Variants in CNTNAP3B observed in about 807,000 individuals in gnomAD.
CNTNAP3B encodes the protein contactin-associated protein-like 3B.
Under a neutral mutation model 108.9 loss-of-function variants are expected in CNTNAP3B, and 25 were observed. The observed-to-expected ratio is 0.23, with a 90% CI of 0.17 to 0.32. The LOEUF is 0.32. Among genes scored for constraint, CNTNAP3B ranks in the 10% least tolerant of loss-of-function variants. The pLI is 1.00. For synonymous variants in CNTNAP3B, 103 were observed against 473.4 expected (o/e 0.22, Z 10.16); for missense variants, 252 against 1,210.4 (o/e 0.21, Z 11.75).
At position 41,928,492 on chromosome 9, in the gene CNTNAP3B, T is replaced by C. The variant is rs1313659081; in HGVS notation, c.2365+825A>G. Among the ~76,000 whole-genome samples the C allele has an allele frequency of 4.7e-3, 704 of 151,294 alleles. 1 individual carries two copies. The highest frequency in any genetic ancestry group is 0.017 in the African/African-American group (680 of 40,626). On this transcript the variant is annotated intron_variant, in intron 15 of 23. Coordinates refer to ENST00000377561, the MANE Select transcript of CNTNAP3B (RefSeq NM_001201380.3). Reference sequence around the variant, plus strand: ...GATGTTGTGTTCTCTTTGAACTACTTAGCTGCCTACACGATTGGCTACAGA... The same window carrying C: ...GATGTTGTGTTCTCTTTGAACTACTCAGCTGCCTACACGATTGGCTACAGA...
intron 15 of CNTNAP3B, among the ~76,000 whole-genome samples, chr9:41,925,263 C>A (rs1245093886): frequency 6.6e-6 from 1 of 150,402 alleles, no homozygotes; most frequent in Non-Finnish European, 1.5e-5. Flanking sequence ...CTCTGTCATT[C>A]CTTCCACATT....
chr9:42,112,554 G>A (rs1828214920), intron 1 of CNTNAP3B, among the ~76,000 whole-genome samples: 1 of 138,714 alleles, frequency 7.2e-6, no homozygotes, highest in Non-Finnish European at 1.5e-5. Context: ...GAGTCTACCT[G>A]TGGGAACAGA....
chr9:41,968,950 C>G (rs1407211204), intron 10 of CNTNAP3B, among the ~76,000 whole-genome samples: 1 of 152,242 alleles, frequency 6.6e-6, no homozygotes, highest in African/African-American at 2.4e-5. Flanking sequence ...GCGCCCGCCA[C>G]CATGCCTGGC....
chr9:41,953,479 T>A lies in CNTNAP3B; in HGVS notation c.1877-93A>T, dbSNP rs1274115708. On this transcript the variant is annotated intron_variant, in intron 12 of 23. Transcript: ENST00000377561. ...ACCTTTTATGTGAATTAACGTTTAA[T>A]TGAAATTTACATTACTGCATGTTTG... 6 of 1,468,004 alleles carry A rather than the reference T, an allele frequency of 4.1e-6. No homozygotes were observed. In the African/African-American group the frequency reaches 7.0e-5, roughly 17 times the overall value. The allele number at this position is 1,468,004 out of a possible 1,614,324, so 90.9% of individuals were successfully genotyped here.
intron 3 of CNTNAP3B, among the ~76,000 whole-genome samples, chr9:42,066,682 G>A (rs1194520359): frequency 3.1e-5 from 4 of 130,324 alleles, no homozygotes; most frequent in East Asian, 4.6e-4. Flanking sequence ...ACCTCCCAAA[G>A]TGCTGGGATT....
Position 41,993,556 on chromosome 9 carries a change from C to T in CNTNAP3B, c.1072-1685G>A, listed in dbSNP as rs1251291420. 66 of 107,598 alleles carry T rather than the reference C, an allele frequency of 6.1e-4. 4 individuals are homozygous for T. The highest frequency in any genetic ancestry group is 7.3e-4 in the East Asian group (2 of 2,724). 6.7% of individuals were successfully genotyped at this position (107,598 alleles called of 1,614,324 possible). A position where few individuals can be genotyped will look rare whatever the true frequency, so the allele number is the denominator to read the frequency against. On this transcript the variant is annotated intron_variant, in intron 7 of 23. Coordinates refer to ENST00000377561, the MANE Select transcript of CNTNAP3B (RefSeq NM_001201380.3). ...ATACCAAAAGCTTACAACTAATTGG[C>T]GCTGATCCGTAGTACACATGTAATC...
chr9:42,026,616 T>C (rs146342199), intron 3 of CNTNAP3B, among the ~76,000 whole-genome samples: 1,319 of 96,064 alleles, frequency 0.014, 13 homozygotes, highest in African/African-American at 0.048. Flanking sequence ...AAAAAAGCCT[T>C]TCTCTGGCCA....
At chr9:41,924,545 T>C (rs1388300102) in intron 15 of CNTNAP3B, among the ~76,000 whole-genome samples, 1 of 152,230 alleles carries the variant, frequency 6.6e-6, no homozygotes, top group Admixed American at 6.5e-5. Context: ...TGGGACATGT[T>C]TCATTTGAGA....
In CNTNAP3B at chr9:42,119,475, A is replaced by T. The variant is rs1212536801; in HGVS notation, c.85+9535T>A. ...GACTTTCTTCACAGAATTGGAAAAA[A>T]CTACTTTAAAGTTCATATGGAACCA... On this transcript the variant is annotated intron_variant, in intron 1 of 23. Coordinates refer to ENST00000377561, the MANE Select transcript of CNTNAP3B (RefSeq NM_001201380.3). Among the ~76,000 whole-genome samples, 40 of 127,830 alleles carry T rather than the reference A, an allele frequency of 3.1e-4. 6 individuals carry two copies. Among genetic ancestry groups the T allele is most frequent in the Non-Finnish European group, 5.7e-4 (35 of 60,904 alleles). The allele number at this position is 127,830 out of a possible 152,430, so 83.9% of individuals were successfully genotyped here. A position where few individuals can be genotyped will look rare whatever the true frequency, so the allele number is the denominator to read the frequency against.
chr9:41,945,444 G>T (rs1463765182), intron 13 of CNTNAP3B, among the ~76,000 whole-genome samples: 4 of 152,422 alleles, frequency 2.6e-5, no homozygotes, highest in African/African-American at 9.6e-5. Context: ...CCATGAAAAA[G>T]GATGAGTTCA....
chr9:42,032,965 C>T (rs1363172146), intron 3 of CNTNAP3B, among the ~76,000 whole-genome samples: 2 of 143,740 alleles, frequency 1.4e-5, no homozygotes, highest in Non-Finnish European at 3.0e-5. Context: ...TTAATTACCT[C>T]CTGAAAGGCC....
At chr9:41,916,745 T>A (rs1037134054) in intron 18 of CNTNAP3B, among the ~76,000 whole-genome samples, 3 of 145,028 alleles carry the variant, frequency 2.1e-5, no homozygotes, top group Non-Finnish European at 4.5e-5. Context: ...TCTAGTTATT[T>A]TGAAATATAC....
At chr9:42,125,648 T>G (rs1828551565) in intron 1 of CNTNAP3B, among the ~76,000 whole-genome samples, 1 of 135,334 alleles carries the variant, frequency 7.4e-6, no homozygotes, top group African/African-American at 2.9e-5. Flanking sequence ...AATAAAGGCA[T>G]GTGAACTACA....
At chr9:42,055,508 T>A (rs1827050161) in intron 3 of CNTNAP3B, among the ~76,000 whole-genome samples, 1 of 143,120 alleles carries the variant, frequency 7.0e-6, no homozygotes, top group Non-Finnish European at 1.5e-5. Context: ...TCATAAAATG[T>A]TAGTTAATCT....
intron 13 of CNTNAP3B, among the ~76,000 whole-genome samples, chr9:41,952,101 C>T (rs959900984): frequency 6.6e-6 from 1 of 152,242 alleles, no homozygotes; most frequent in Non-Finnish European, 1.5e-5. Context: ...CTGGCATATT[C>T]CAGGGGCTGA....
chr9:42,073,254 G>A (rs921335599), intron 3 of CNTNAP3B, among the ~76,000 whole-genome samples: 1 of 77,348 alleles, frequency 1.3e-5, no homozygotes, highest in East Asian at 4.1e-4. Flanking sequence ...AGTAGAGGCA[G>A]CAGGATCCCT....
At chr9:42,125,845 C>T (rs1395270729) in intron 1 of CNTNAP3B, among the ~76,000 whole-genome samples, 2 of 127,246 alleles carry the variant, frequency 1.6e-5, no homozygotes, top group Non-Finnish European at 3.3e-5. Context: ...TTCGAACTCC[C>T]GACCTCAAGT....
chr9:42,067,636 ACT>A (rs1827301056), intron 3 of CNTNAP3B, among the ~76,000 whole-genome samples: 2 of 148,238 alleles, frequency 1.3e-5, no homozygotes, highest in South Asian at 4.2e-4. Context: ...CTCAAAGGCA[ACT>A]CTGTGTGACT....
At chr9:41,947,331 G>A (rs1193039441) in intron 13 of CNTNAP3B, among the ~76,000 whole-genome samples, 1 of 152,002 alleles carries the variant, frequency 6.6e-6, no homozygotes, top group Non-Finnish European at 1.5e-5. Context: ...TAAGCATAAT[G>A]GAATCAAACT....
Sources: gnomAD v4.1 joint callset for allele counts (sites outside exome capture counted in the v4.1 genomes callset) on GRCh38, gnomAD v4.1.1 for gene constraint, MANE v1.5 for transcripts, NCBI Gene and HGNC (gene_info 2026-07-23, HGNC 2026-07-21) for gene names.